PPFIBP1: variants seen among roughly 807,000 people sequenced by gnomAD.
The protein encoded by PPFIBP1 is PPFIB scaffold protein 1.
In PPFIBP1, 112 loss-of-function variants were observed where a neutral mutation model predicts 137.8. The observed-to-expected ratio is 0.81, with a 90% CI of 0.70 to 0.95. PPFIBP1 has a LOEUF of 0.95. Among genes scored for constraint, PPFIBP1 ranks in the 40% least tolerant of loss-of-function variants. PPFIBP1 has a pLI of 0.00. For missense variants in PPFIBP1, 1,083 were observed against 1,196.6 expected, an observed-to-expected ratio of 0.91 and a Z score of 1.40; for synonymous variants, 378 against 417.3, an observed-to-expected ratio of 0.91 and a Z score of 1.15.
chr12:27,594,857 A>G (rs2053006837), intron 2 of PPFIBP1, among the ~76,000 whole-genome samples: 1 of 152,202 alleles, frequency 6.6e-6, no homozygotes, highest in Non-Finnish European at 1.5e-5. Context: ...CCACATATCC[A>G]TATATGTGAA....
intron 5 of PPFIBP1, among the ~76,000 whole-genome samples, chr12:27,646,991 T>A (rs1287331149): frequency 6.6e-6 from 1 of 152,168 alleles, no homozygotes; most frequent in Non-Finnish European, 1.5e-5. Context: ...GGAATTTGAA[T>A]TCCCTGGGTT....
chr12:27,560,446 G>C (rs1448338424), intron 1 of PPFIBP1, among the ~76,000 whole-genome samples: 2 of 152,232 alleles, frequency 1.3e-5, no homozygotes, highest in East Asian at 3.8e-4. Context: ...AGAGAGACTT[G>C]TTGAGGACAG....
In PPFIBP1 at chr12:27,530,151, CTTT is replaced by C. The variant is rs146141190; in HGVS notation, c.-124+5789_-124+5791del. ...TAAAGAATGCCTTTGCAACCGTTAT[CTTT>C]TTCTAAAGATGCTGCCTCTTATAAC... On this transcript the variant is annotated intron_variant, in intron 1 of 29. Transcript: ENST00000228425. 5.8e-3 allele frequency among the ~76,000 whole-genome samples: 888 copies of C among 152,318 alleles called. 7 individuals are homozygous for C. The highest frequency in any genetic ancestry group is 0.032 in the South Asian group (155 of 4,826).
intron 2 of PPFIBP1, among the ~76,000 whole-genome samples, chr12:27,602,744 A>G (rs1371192467): frequency 6.6e-6 from 1 of 152,258 alleles, no homozygotes; most frequent in Non-Finnish European, 1.5e-5. Flanking sequence ...TTCAAATGCT[A>G]ACTACCCCAG....
chr12:27,595,910 TA>T (rs1289628707), intron 2 of PPFIBP1, among the ~76,000 whole-genome samples: 2,381 of 132,878 alleles, frequency 0.018, 28 homozygotes, highest in Non-Finnish European at 0.028. Flanking sequence ...TATATATATA[TA>T]TATATATATA....
At chr12:27,617,862 A>T (rs1226682491) in intron 2 of PPFIBP1, among the ~76,000 whole-genome samples, 1 of 152,236 alleles carries the variant, frequency 6.6e-6, no homozygotes, top group East Asian at 1.9e-4. Context: ...ACATAGTAAA[A>T]TATGGAAAAT....
chr12:27,658,168 G>A (rs1028507044), intron 9 of PPFIBP1, among the ~76,000 whole-genome samples: 4 of 149,884 alleles, frequency 2.7e-5, no homozygotes, highest in African/African-American at 9.8e-5. Context: ...GAATAAAATG[G>A]CATCACAGGA....
chr12:27,569,661 C>A (rs2049977764), intron 1 of PPFIBP1, among the ~76,000 whole-genome samples: 1 of 152,150 alleles, frequency 6.6e-6, no homozygotes, highest in Non-Finnish European at 1.5e-5. Flanking sequence ...GGGGTTCAAG[C>A]AATTCTCCTG....
intron 1 of PPFIBP1, among the ~76,000 whole-genome samples, chr12:27,566,526 G>T (rs2049689070): frequency 6.6e-6 from 1 of 152,196 alleles, no homozygotes; most frequent in South Asian, 2.1e-4. Context: ...GGGGACAGGG[G>T]TGAAGAAAAG....
chr12:27,668,738 G>A (rs957211076), intron 13 of PPFIBP1, among the ~76,000 whole-genome samples: 1 of 152,202 alleles, frequency 6.6e-6, no homozygotes, highest in East Asian at 1.9e-4. Context: ...AAGTTTCCCT[G>A]TAAGGCTGCA....
chr12:27,677,761 G>A (rs2060617497), intron 19 of PPFIBP1: 1 of 152,318 alleles, frequency 6.6e-6, no homozygotes, highest in South Asian at 2.1e-4. Context: ...AAATATGGTA[G>A]TTTTAAGATG....
intron 1 of PPFIBP1, among the ~76,000 whole-genome samples, chr12:27,544,342 A>C (rs1945997193): frequency 6.6e-6 from 1 of 152,232 alleles, no homozygotes; most frequent in Non-Finnish European, 1.5e-5. Context: ...CAAAGACTTC[A>C]TGACTAAAAC....
chr12:27,553,029 G>A (rs1044528549), intron 1 of PPFIBP1, among the ~76,000 whole-genome samples: 1 of 152,058 alleles, frequency 6.6e-6, no homozygotes, highest in African/African-American at 2.4e-5. Context: ...TGCTAAACTT[G>A]GATTTTACAA....
At chr12:27,644,704 A>G (rs879576746) in intron 4 of PPFIBP1, among the ~76,000 whole-genome samples, 4 of 152,192 alleles carry the variant, frequency 2.6e-5, no homozygotes, top group Non-Finnish European at 5.9e-5. Context: ...AATGCTGGGC[A>G]CTTCAGTTAA....
In PPFIBP1 at chr12:27,691,163, T is replaced by C. The variant is rs746600385; in HGVS notation, c.2686-586T>C. Among the ~76,000 whole-genome samples, 130 of 150,034 alleles carry C rather than the reference T, an allele frequency of 8.7e-4. 2 individuals carry two copies. The highest frequency in any genetic ancestry group is 4.3e-4 in the Non-Finnish European group (29 of 67,734). ...GCAGAATAGGCATACAAGATAATTA[T>C]AGCCTCACCCAAAGAAAAAATATAG... is the stretch of plus-strand genomic sequence containing the variant. On this transcript the variant is annotated intron_variant, in intron 27 of 29. Transcript: ENST00000228425.
chr12:27,679,581 C>T lies in PPFIBP1; in HGVS notation c.1708C>T (p.Pro570Ser). The change falls in exon 20 of 30, where the codon CCG (proline) becomes TCG (serine). Residue 570 changes from proline (P) to serine (S), a missense_variant. Physicochemically the swap from Pro to Ser is moderately conservative, Grantham distance 74 (BLOSUM62 -1). Transcript: ENST00000228425. ...ACAGAGGAACAGTCCCTTCCAGATA[C>T]CGCCTCCATCTCCAGATTCCAAAAA... is the stretch of plus-strand genomic sequence containing the variant. The part of the protein sequence containing the change: ...DSQRNSPFQI[P>S]PPSPDSKKKS... The T allele has an allele frequency of 6.2e-7, 1 of 1,613,862 alleles. No individual in the cohort carries two copies. The highest frequency in any genetic ancestry group is 1.3e-5 in the African/African-American group (1 of 75,046).
chr12:27,588,511 A>G (rs972391225), intron 2 of PPFIBP1, among the ~76,000 whole-genome samples: 1 of 152,216 alleles, frequency 6.6e-6, no homozygotes, highest in Non-Finnish European at 1.5e-5. Flanking sequence ...TGAAACTTGA[A>G]AACAACTATC....
rs1271925497 is a variant in PPFIBP1 at position 27,589,807 on chromosome 12, T to TCTTTTTGAGAGTAA, written c.-36+11568_-36+11569insCTTTTTGAGAGTAA. Among the ~76,000 whole-genome samples, 37 of 152,348 alleles carry TCTTTTTGAGAGTAA rather than the reference T, an allele frequency of 2.4e-4. No homozygotes were observed. The East Asian group carries it at 4.8e-3, about 20-fold the overall frequency. ...TTGCAAGTCTTTTGAGAGTAAGATA[T>TCTTTTTGAGAGTAA]GTCATCTTTCTTTCAGGCCTATCAT... On this transcript the variant is annotated intron_variant, in intron 2 of 29. Coordinates refer to ENST00000228425, the MANE Select transcript of PPFIBP1 (RefSeq NM_003622.4).
At chr12:27,688,983 T>A in intron 26 of PPFIBP1, 32 bp from the exon 27 acceptor site, 1 of 1,583,998 alleles carries the variant, frequency 6.3e-7, no homozygotes, top group East Asian at 2.2e-5. Context: ...TGTGGTGACT[T>A]TTGACAAGCT....
Sources: gnomAD v4.1 joint callset for allele counts (sites outside exome capture counted in the v4.1 genomes callset) on GRCh38, gnomAD v4.1.1 for gene constraint, MANE v1.5 for transcripts, NCBI Gene and HGNC (gene_info 2026-07-23, HGNC 2026-07-21) for gene names.